CALN1: variants seen among roughly 807,000 people sequenced by gnomAD.
CALN1 encodes the protein calcium-binding protein 8.
Under a neutral mutation model 30.6 loss-of-function variants are expected in CALN1, and 17 were observed. The ratio of observed to expected loss-of-function variants is 0.56; its 90% confidence interval spans 0.38 to 0.83. The LOEUF (loss-of-function observed/expected upper bound fraction) is 0.83. Ranked by LOEUF, CALN1 falls within the 40% of genes least tolerant of loss-of-function variation. The pLI is 0.00. For synonymous variants in CALN1, 156 were observed against 131.4 expected (o/e 1.19, Z -1.28); for missense variants, 291 against 354.9 (o/e 0.82, Z 1.45).
intron 3 of CALN1, among the ~76,000 whole-genome samples, chr7:72,231,129 AATTTTT>A (rs1326811006): frequency 6.6e-6 from 1 of 150,452 alleles, no homozygotes; most frequent in African/African-American, 2.4e-5. Flanking sequence ...TTTTTTTTTT[AATTTTT>A]ATTTTAAGTT....
rs143154072 is a variant in CALN1, at chr7:72,390,196, C to T, written c.119+13055G>A. 2.7e-3 allele frequency among the ~76,000 whole-genome samples: 417 copies of T among 151,964 alleles called. 9 individuals are homozygous for T. In the East Asian group the frequency reaches 0.067, roughly 24 times the overall value. On this transcript the variant is annotated intron_variant, in intron 2 of 6. Coordinates refer to ENST00000395275, the MANE Select transcript of CALN1 (RefSeq NM_031468.4). ...CTGTAATCCCAGCACTTTGGGAGGC[C>T]GAGGCGGGTGAATCATGAGGTCAGG...
At chr7:72,346,404 T>A (rs1481743906) in intron 2 of CALN1, among the ~76,000 whole-genome samples, 1 of 152,360 alleles carries the variant, frequency 6.6e-6, no homozygotes, top group East Asian at 1.9e-4. Context: ...AACACCTAAC[T>A]GAAGGATGAA....
At chr7:71,916,004 C>G (rs901705943) in intron 5 of CALN1, among the ~76,000 whole-genome samples, 2 of 152,152 alleles carry the variant, frequency 1.3e-5, no homozygotes, top group Non-Finnish European at 2.9e-5. Context: ...AAGACAATAG[C>G]ATTCTTCCTC....
intron 5 of CALN1, among the ~76,000 whole-genome samples, chr7:71,867,077 A>T (rs941841024): frequency 4.0e-5 from 6 of 151,872 alleles, no homozygotes; most frequent in Admixed American, 1.3e-4. Context: ...TCCGGGAGGC[A>T]GAGGTTGCAG....
At chr7:72,210,960 C>T (rs1792348967) in intron 3 of CALN1, among the ~76,000 whole-genome samples, 1 of 151,874 alleles carries the variant, frequency 6.6e-6, no homozygotes, top group Non-Finnish European at 1.5e-5. Flanking sequence ...GAGGCTGAGG[C>T]AGGGGGATCC....
At chr7:72,335,303 C>T (rs959836503) in intron 2 of CALN1, among the ~76,000 whole-genome samples, 15 of 152,146 alleles carry the variant, frequency 9.9e-5, no homozygotes, top group Non-Finnish European at 7.3e-5. Context: ...AGCTCTGATG[C>T]CCGAATTGAA....
chr7:71,899,773 A>G (rs1367732589), intron 5 of CALN1, among the ~76,000 whole-genome samples: 1 of 152,230 alleles, frequency 6.6e-6, no homozygotes, highest in Non-Finnish European at 1.5e-5. Context: ...TCGTAACAAC[A>G]AAATGTCACC....
chr7:72,451,980 G>A (rs1808676046), upstream of CALN1, among the ~76,000 whole-genome samples: 1 of 152,006 alleles, frequency 6.6e-6, no homozygotes, highest in South Asian at 2.1e-4. Flanking sequence ...GACCAGCCTG[G>A]GCAACAAGTG....
At chr7:71,990,086 GC>G (rs1335981574) in intron 5 of CALN1, among the ~76,000 whole-genome samples, 1 of 152,106 alleles carries the variant, frequency 6.6e-6, no homozygotes, top group East Asian at 1.9e-4. Flanking sequence ...TTGGAGTTTG[GC>G]ACAAAATACA....
intron 3 of CALN1, among the ~76,000 whole-genome samples, chr7:72,252,263 C>T (rs73129509): frequency 0.013 from 1,967 of 152,162 alleles, 26 homozygotes; most frequent in Middle Eastern, 0.027. Flanking sequence ...ACACCTACCC[C>T]GCACCCCAAT....
At chr7:72,269,662 C>T (rs531110954) in intron 3 of CALN1, among the ~76,000 whole-genome samples, 1 of 152,156 alleles carries the variant, frequency 6.6e-6, no homozygotes, top group African/African-American at 2.4e-5. Context: ...CGAACCTACA[C>T]AAATTTAAGG....
chr7:72,214,799 A>G lies in CALN1; in HGVS notation c.244+63887T>C, dbSNP rs1261126587. Reference sequence around the variant, plus strand: ...CCGCCTGAGCTCCACCTCCTGTCAAATCACTGCAGCATTAGATTCTCATAG... The same window carrying G: ...CCGCCTGAGCTCCACCTCCTGTCAAGTCACTGCAGCATTAGATTCTCATAG... On this transcript the variant is annotated intron_variant, in intron 3 of 6. Coordinates refer to ENST00000395275, the MANE Select transcript of CALN1 (RefSeq NM_031468.4). Among the ~76,000 whole-genome samples, 5 of 151,904 alleles carry G rather than the reference A, an allele frequency of 3.3e-5. No homozygotes were observed. In the East Asian group the frequency reaches 5.8e-4, roughly 18 times the overall value.
At chr7:72,026,463 G>GT (rs1277456019) in intron 4 of CALN1, among the ~76,000 whole-genome samples, 1 of 152,106 alleles carries the variant, frequency 6.6e-6, no homozygotes, top group African/African-American at 2.4e-5. Flanking sequence ...GCAGGTGCCT[G>GT]TAATCCCAGC....
At chr7:72,351,444 T>C (rs1252321674) in intron 2 of CALN1, among the ~76,000 whole-genome samples, 2 of 152,240 alleles carry the variant, frequency 1.3e-5, no homozygotes, top group African/African-American at 4.8e-5. Context: ...AGTTTGTCAT[T>C]ATTTTTAACT....
Position 72,002,094 on chromosome 7 carries a change from T to C in CALN1, c.501+21563A>G, listed in dbSNP as rs1277471331. Among the ~76,000 whole-genome samples, 6 of 152,102 alleles carry C rather than the reference T, an allele frequency of 3.9e-5. No individual in the cohort carries two copies. The East Asian group carries it at 7.7e-4, about 20-fold the overall frequency. ...CAGCTAATGTGAAGGACTGAAAAAA[T>C]TGAATGCTTTCTCTATAAGATTGGG... On this transcript the variant is annotated intron_variant, in intron 5 of 6. Transcript: ENST00000395275.
chr7:72,442,432 C>T lies in CALN1; in HGVS notation c.-226+4610G>A, dbSNP rs190727751. Reference sequence around the variant, plus strand: ...ATTTAGGATTGCACTTTATTAAGGGCTGCACTTATTTAGGATTGTACTTTA... The same window carrying T: ...ATTTAGGATTGCACTTTATTAAGGGTTGCACTTATTTAGGATTGTACTTTA... On this transcript the variant is annotated intron_variant, in intron 1 of 6. Transcript: ENST00000395276. Among the ~76,000 whole-genome samples, 4 of 152,142 alleles carry T rather than the reference C, an allele frequency of 2.6e-5. No homozygotes were observed. In the East Asian group the frequency reaches 7.8e-4, roughly 29 times the overall value.
At position 72,299,709 on chromosome 7, in the gene CALN1, T is replaced by TA. The variant is rs1187954907; in HGVS notation, c.120-20900_120-20899insT. On this transcript the variant is annotated intron_variant, in intron 2 of 6. Transcript: ENST00000395275. ...CTTATCTTTTTTTTTTTTTTTTTTT[T>TA]TAAAAAGAGAGACTGAGGTCCTGCT... Among the ~76,000 whole-genome samples, 654 of 138,278 alleles carry TA rather than the reference T, an allele frequency of 4.7e-3. 4 individuals are homozygous for TA. Among genetic ancestry groups the TA allele is most frequent in the African/African-American group, 0.012 (439 of 37,816 alleles). 90.7% of individuals were successfully genotyped at this position (138,278 alleles called of 152,430 possible). A position where few individuals can be genotyped will look rare whatever the true frequency, so the allele number is the denominator to read the frequency against.
At chr7:71,804,469 C>G (rs991852594) in intron 6 of CALN1, among the ~76,000 whole-genome samples, 3 of 152,082 alleles carry the variant, frequency 2.0e-5, no homozygotes, top group African/African-American at 7.2e-5. Context: ...GGTTGTGCCA[C>G]TGCATTCCAG....
At chr7:72,406,386 G>A (rs1806694220) in intron 1 of CALN1, among the ~76,000 whole-genome samples, 1 of 152,154 alleles carries the variant, frequency 6.6e-6, no homozygotes, top group African/African-American at 2.4e-5. Flanking sequence ...GGGACCCAAG[G>A]TGCATTTCCC....
Sources: allele counts gnomAD v4.1 joint callset (sites outside exome capture counted in the v4.1 genomes callset), GRCh38; gene constraint gnomAD v4.1.1; transcripts MANE v1.5; gene names NCBI Gene and HGNC (gene_info 2026-07-23, HGNC 2026-07-21).